Variants in DCHS2 observed in about 807,000 individuals in gnomAD.
The protein encoded by DCHS2 is dachsous cadherin-related 2.
A neutral mutation model predicts 182.4 loss-of-function variants in DCHS2; 142 were observed. The ratio of observed to expected loss-of-function variants is 0.78; its 90% CI spans 0.68 to 0.89. The LOEUF (loss-of-function observed/expected upper bound fraction) is 0.89, where lower values mean the gene tolerates loss of function less well. DCHS2 is among the 40% of genes least tolerant of loss of function. The pLI, the probability that DCHS2 is intolerant of heterozygous loss-of-function variation, is 0.00. For synonymous variants in DCHS2, 1,740 were observed against 1,663.3 expected (o/e 1.05, Z -1.12); for missense variants, 4,319 against 4,198.6 (o/e 1.03, Z -0.79).
chr4:154,380,205 C>A (rs1387176677), intron 1 of DCHS2, among the ~76,000 whole-genome samples: 5 of 152,072 alleles, frequency 3.3e-5, no homozygotes, highest in Non-Finnish European at 7.4e-5. Flanking sequence ...GATGATACAG[C>A]CTTTAAATTT....
intron 14 of DCHS2, among the ~76,000 whole-genome samples, chr4:154,264,741 A>T (rs11733437): frequency 2.0e-5 from 3 of 151,854 alleles, no homozygotes; most frequent in East Asian, 1.9e-4. Flanking sequence ...AATCTGAGAG[A>T]GCTTACTATA....
chr4:154,348,165 A>T (rs1473063360), intron 3 of DCHS2, among the ~76,000 whole-genome samples: 1 of 151,988 alleles, frequency 6.6e-6, no homozygotes, highest in South Asian at 2.1e-4. Flanking sequence ...CTTAACTATT[A>T]TTCTCTCTCA....
In DCHS2 at chr4:154,491,787, T is replaced by A; in HGVS notation, c.-432A>T. The A allele has an allele frequency of 1.0e-6, 1 of 980,320 alleles. No homozygotes were observed. Among genetic ancestry groups the A allele is most frequent in the Non-Finnish European group, 1.2e-6 (1 of 830,828 alleles). 60.7% of individuals were successfully genotyped at this position (980,320 alleles called of 1,614,324 possible). Reference sequence around the variant, plus strand: ...GGAGAGGATGGGGATCTGGCCGGAGTAGGGGGTGGAGTAAGGGCGTGGAGG... The same window carrying A: ...GGAGAGGATGGGGATCTGGCCGGAGAAGGGGGTGGAGTAAGGGCGTGGAGG... On this transcript the variant is annotated 5_prime_UTR_variant, in exon 1 of 20. Transcript: ENST00000357232.
chr4:154,479,838 T>C (rs548034579), intron 1 of DCHS2, among the ~76,000 whole-genome samples: 9 of 152,310 alleles, frequency 5.9e-5, no homozygotes, highest in Non-Finnish European at 1.2e-4. Context: ...TGGACGCTGA[T>C]AGAGGCAGTG....
chr4:154,243,528 A>C (rs1731936894), intron 16 of DCHS2, among the ~76,000 whole-genome samples: 1 of 152,094 alleles, frequency 6.6e-6, no homozygotes, highest in African/African-American at 2.4e-5. Context: ...TGTCACTTGG[A>C]TTAGTGTCCC....
rs140654368 is a variant in DCHS2, at chr4:154,350,592, T to A, written c.2477-15488A>T. Among the ~76,000 whole-genome samples, 127 of 152,318 alleles carry A rather than the reference T, an allele frequency of 8.3e-4. 2 individuals are homozygous for A. The East Asian group carries it at 0.023, about 28-fold the overall frequency. ...CCATGTAAATACCTGCTACTTGGTATCTTCTACATCTTAGATATTTATTTT... is the reference window on the plus strand; with the variant it reads ...CCATGTAAATACCTGCTACTTGGTAACTTCTACATCTTAGATATTTATTTT... On this transcript the variant is annotated intron_variant, in intron 3 of 19. Coordinates refer to ENST00000357232, the MANE Select transcript of DCHS2 (RefSeq NM_001358235.2).
At chr4:154,471,558 A>G (rs1735469194) in intron 1 of DCHS2, among the ~76,000 whole-genome samples, 1 of 152,106 alleles carries the variant, frequency 6.6e-6, no homozygotes, top group Non-Finnish European at 1.5e-5. Flanking sequence ...TTTACTTTTC[A>G]GTTAATAAAT....
rs771214038 is a variant in DCHS2, at chr4:154,235,775, G to T, written c.8877C>A (p.Ile2959=). 3 of 1,613,864 alleles carry T rather than the reference G, an allele frequency of 1.9e-6. No individual in the cohort carries two copies. Among genetic ancestry groups the T allele is most frequent in the African/African-American group, 2.7e-5 (2 of 75,012 alleles). The change falls in exon 20 of 20, where the codon ATC becomes ATA. Residue 2959 remains isoleucine, a synonymous_variant. Coordinates refer to ENST00000357232, the MANE Select transcript of DCHS2 (RefSeq NM_001358235.2). Reference sequence around the variant, plus strand: ...TGGAATCTGATTTGGGACTATGAGCGATTATTTTCATTTCCAAGGTGTCTT... The same window carrying T: ...TGGAATCTGATTTGGGACTATGAGCTATTATTTTCATTTCCAAGGTGTCTT... ...NKEDTLEMKI[I]AHSPKSDSKF...
At chr4:154,383,427 T>C (rs987074046) in intron 1 of DCHS2, among the ~76,000 whole-genome samples, 3 of 152,038 alleles carry the variant, frequency 2.0e-5, no homozygotes, top group Non-Finnish European at 4.4e-5. Flanking sequence ...CACAATACAC[T>C]CACATGACAA....
In DCHS2 at chr4:154,233,320, A is replaced by C. The variant is rs1273881926; in HGVS notation, c.*1216T>G. On this transcript the variant is annotated 3_prime_UTR_variant, in exon 20 of 20. Transcript: ENST00000357232. Reference sequence around the variant, plus strand: ...AAAGAAGGCTAGAGCATTGTATGTGAGCACCATCTAGCACTGCTATATTTC... The same window carrying C: ...AAAGAAGGCTAGAGCATTGTATGTGCGCACCATCTAGCACTGCTATATTTC... 2 of 152,140 alleles carry C rather than the reference A, an allele frequency of 1.3e-5. No homozygotes were observed. The highest frequency in any genetic ancestry group is 2.9e-5 in the Non-Finnish European group (2 of 68,020). The allele number at this position is 152,140 out of a possible 1,614,324, so 9.4% of individuals were successfully genotyped here.
At chr4:154,386,832 G>T (rs572443297) in intron 1 of DCHS2, among the ~76,000 whole-genome samples, 18 of 152,262 alleles carry the variant, frequency 1.2e-4, no homozygotes, top group African/African-American at 4.3e-4. Flanking sequence ...GAACAAGATG[G>T]TTCGTGACAC....
At position 154,321,218 on chromosome 4, in the gene DCHS2, A is replaced by G. The variant is rs989779136; in HGVS notation, c.4181T>C (p.Ile1394Thr). ...QGQAVVNIQV[I>T]PLSKGRAIMS... ...GATTGCTCTCCCTTTGGATAGTGGG[A>G]TCACCTGAAATACGAATAAAAGAGA... The change falls in exon 9 of 20, where the codon ATC (isoleucine) becomes ACC (threonine). Residue 1394 changes from isoleucine (I) to threonine (T), a missense_variant. Transcript: ENST00000357232. The G allele has an allele frequency of 9.3e-6, 14 of 1,511,230 alleles. No individual in the cohort carries two copies. Among genetic ancestry groups the G allele is most frequent in the Admixed American group, 4.4e-5 (2 of 45,460 alleles). The allele number at this position is 1,511,230 out of a possible 1,614,324, so 93.6% of individuals were successfully genotyped here.
chr4:154,290,818 C>A (rs779440832), intron 13 of DCHS2, among the ~76,000 whole-genome samples: 1 of 152,024 alleles, frequency 6.6e-6, no homozygotes, highest in Non-Finnish European at 1.5e-5. Flanking sequence ...AACTTAAGAC[C>A]TCAAACTATA....
chr4:154,235,890 G>A lies in DCHS2; in HGVS notation c.8762C>T (p.Thr2921Ile). 2 of 1,614,038 alleles carry A rather than the reference G, an allele frequency of 1.2e-6. No homozygotes were observed. Among genetic ancestry groups the A allele is most frequent in the East Asian group, 2.2e-5 (1 of 44,852 alleles). Reference sequence around the variant, plus strand: ...ATTTACTGAAAAGAAAGGAGATGAGGTTCCAAGGGAGTAAAGAATGACTCC... The same window carrying A: ...ATTTACTGAAAAGAAAGGAGATGAGATTCCAAGGGAGTAAAGAATGACTCC... The part of the protein sequence containing the change: ...IDGVILYSLG[T>I]SSPFFSVNKT... The change falls in exon 20 of 20, where the codon ACC becomes ATC. Residue 2921 changes from threonine to isoleucine, a missense_variant. Physicochemically the swap from Thr to Ile is moderately conservative, Grantham distance 89 (BLOSUM62 -1). Transcript: ENST00000357232.
chr4:154,305,369 A>G (rs2111301205), intron 10 of DCHS2, 138 bp from the exon 11 acceptor site: 1 of 1,134,404 alleles, frequency 8.8e-7, no homozygotes, highest in African/African-American at 1.6e-5. Context: ...AAATTAAGGT[A>G]AAAGAAAACC....
Position 154,490,480 on chromosome 4 carries a change from G to A in DCHS2, c.876C>T (p.Asn292=). ...ACTCGTCCTGCTCAAAGACCGGCGGGTTGTCGTTCTCATCCAGCACGCGCA... is the reference window on the plus strand; with the variant it reads ...ACTCGTCCTGCTCAAAGACCGGCGGATTGTCGTTCTCATCCAGCACGCGCA... The part of the protein sequence containing the change: ...VELRVLDEND[N]PPVFEQDEYR... Residue 292 remains asparagine, a synonymous_variant, in exon 1 of 20, where the codon AAC becomes AAT. Coordinates refer to ENST00000357232, the MANE Select transcript of DCHS2 (RefSeq NM_001358235.2). The A allele has an allele frequency of 6.5e-7, 1 of 1,536,876 alleles. No homozygotes were observed. The highest frequency in any genetic ancestry group is 8.7e-7 in the Non-Finnish European group (1 of 1,146,480).
chr4:154,406,601 T>G (rs1425425233), intron 1 of DCHS2, among the ~76,000 whole-genome samples: 1 of 152,202 alleles, frequency 6.6e-6, no homozygotes, highest in Non-Finnish European at 1.5e-5. Context: ...CACCCAAGAA[T>G]GTTAATGACT....
chr4:154,300,406 G>A (rs542468705), intron 12 of DCHS2, among the ~76,000 whole-genome samples: 7 of 151,018 alleles, frequency 4.6e-5, no homozygotes, highest in African/African-American at 1.7e-4. Context: ...TAGAAAATAG[G>A]ATGGTTCCTG....
chr4:154,393,702 T>C (rs1008469021), intron 1 of DCHS2, among the ~76,000 whole-genome samples: 1 of 143,786 alleles, frequency 7.0e-6, no homozygotes, highest in Admixed American at 7.2e-5. Flanking sequence ...TTTCGCTGTT[T>C]CAGCCTGACT....
Sources: allele counts gnomAD v4.1 joint callset (sites outside exome capture counted in the v4.1 genomes callset), GRCh38; gene constraint gnomAD v4.1.1; transcripts MANE v1.5; gene names NCBI Gene and HGNC (gene_info 2026-07-23, HGNC 2026-07-21).